Variants in CC2D2A observed in about 807,000 individuals in gnomAD.
The protein encoded by CC2D2A is coiled-coil and C2 domain-containing protein 2A.
In CC2D2A, 155 loss-of-function variants were observed where a neutral mutation model predicts 212.9. The observed-to-expected ratio is 0.73, with a 90% CI of 0.64 to 0.83. CC2D2A has a LOEUF of 0.83. Among genes scored for constraint, CC2D2A ranks in the 40% least tolerant of loss-of-function variants. The pLI is 0.00. For missense variants in CC2D2A, 1,856 were observed against 1,956.2 expected (o/e 0.95, Z 0.97); for synonymous variants, 667 against 686.5 (o/e 0.97, Z 0.44).
rs752759735 is a variant in CC2D2A at position 15,587,795 on chromosome 4, ATTTT to A, written c.4066-15_4066-12del. 7.6e-7 allele frequency: 1 copy of A among 1,314,462 alleles called. No individual in the cohort carries two copies. Among genetic ancestry groups the A allele is most frequent in the Admixed American group, 1.7e-5 (1 of 58,274 alleles). 81.4% of individuals were successfully genotyped at this position (1,314,462 alleles called of 1,614,324 possible). A position where few individuals can be genotyped will look rare whatever the true frequency, so the allele number is the denominator to read the frequency against. On this transcript the variant is annotated splice_polypyrimidine_tract_variant and intron_variant, in intron 31 of 36. Coordinates refer to ENST00000424120, the MANE Select transcript of CC2D2A (RefSeq NM_001378615.1). The stretch of plus-strand genomic sequence containing the variant: ...ATAAAGCATTGAGTCATACAACATA[ATTTT>A]TTTTTCTTTTTGTCAGCAATTTCTT...
At position 15,550,895 on chromosome 4, in the gene CC2D2A, T is replaced by C. The variant is rs778497854; in HGVS notation, c.2253T>C (p.Thr751=). Residue 751 remains threonine (T), a synonymous_variant, in exon 18 of 37, where the codon ACT becomes ACC. Transcript: ENST00000424120. ...TGTTTCTGCCTATTCCTGAGACTAC[T>C]GTTGTCACTGGAAGGGCTCCTACTG... is the stretch of plus-strand genomic sequence containing the variant. ...AEVFLPIPET[T]VVTGRAPTEE... The C allele has an allele frequency of 3.1e-6, 5 of 1,609,198 alleles. No individual in the cohort carries two copies. The South Asian group carries it at 4.4e-5, about 14-fold the overall frequency.
At chr4:15,490,055 C>G (rs763203841) in intron 4 of CC2D2A, among the ~76,000 whole-genome samples, 12 of 152,188 alleles carry the variant, frequency 7.9e-5, no homozygotes, top group African/African-American at 2.7e-4. Context: ...TTATCTCCAG[C>G]GTGGACTTCT....
chr4:15,537,863 T>C, intron 15 of CC2D2A, 36 bp from the exon 16 acceptor site: 1 of 1,554,814 alleles, frequency 6.4e-7, no homozygotes, highest in Non-Finnish European at 8.7e-7. Context: ...AATTCCAAAA[T>C]TCCTGTTTGA....
At chr4:15,545,499 A>G (rs116519245) in intron 17 of CC2D2A, among the ~76,000 whole-genome samples, 1 of 152,272 alleles carries the variant, frequency 6.6e-6, no homozygotes, top group Non-Finnish European at 1.5e-5. Flanking sequence ...CAAAGAATCA[A>G]TACTCACTGG....
chr4:15,536,950 A>G lies in CC2D2A; in HGVS notation c.1638A>G (p.Glu546=), dbSNP rs1718163321. The part of the protein sequence containing the change: ...KEKADQKADE[E]AYEAEIQAEI... ...AAGCTGACCAGAAAGCAGATGAAGA[A>G]GCATATGAAGCAGAAATTCAAGCTG... is the stretch of plus-strand genomic sequence containing the variant. The change falls in exon 15 of 37, where the codon GAA becomes GAG. Residue 546 remains glutamate (E), a synonymous_variant. Coordinates refer to ENST00000424120, the MANE Select transcript of CC2D2A (RefSeq NM_001378615.1). 4 of 1,613,770 alleles carry G rather than the reference A, an allele frequency of 2.5e-6. No individual in the cohort carries two copies. The African/African-American group carries it at 4.0e-5, about 16-fold the overall frequency.
In CC2D2A at chr4:15,563,453, A is replaced by T. The variant is rs376913682; in HGVS notation, c.3113A>T (p.Asp1038Val). 35 of 1,611,962 alleles carry T rather than the reference A, an allele frequency of 2.2e-5. No individual in the cohort carries two copies. The African/African-American group carries it at 4.3e-4, about 20-fold the overall frequency. The change falls in exon 24 of 37, where the codon GAT (aspartate) becomes GTT (valine). Residue 1038 changes from aspartate (D) to valine (V), a missense_variant. Asp to Val is a radical substitution (Grantham distance 152). This residue lies in a region of CC2D2A where 1,512 missense variants were observed against 1,579.3 expected (regional missense o/e 0.96). Transcript: ENST00000424120. Reference protein sequence around the residue: ...RKKVTAQNLSDGDIKLLVNIV... With the variant: ...RKKVTAQNLSVGDIKLLVNIV... Reference sequence around the variant, plus strand: ...AAGGTGACAGCCCAAAACCTGTCTGATGGAGACATAAAGCTGCTGGTGAAC... The same window carrying T: ...AAGGTGACAGCCCAAAACCTGTCTGTTGGAGACATAAAGCTGCTGGTGAAC...
chr4:15,542,783 G>C (rs565439924), intron 17 of CC2D2A, among the ~76,000 whole-genome samples: 2 of 152,304 alleles, frequency 1.3e-5, no homozygotes, highest in African/African-American at 2.4e-5. Flanking sequence ...CCAGGGTCCT[G>C]TTCCCAAGCT....
chr4:15,515,863 T>A lies in CC2D2A; in HGVS notation c.881-5T>A. ...GTTTATTTTATTTATTTATAAACGATCTAGTCCCTACATATAAAAAGCTTC... is the reference window on the plus strand; with the variant it reads ...GTTTATTTTATTTATTTATAAACGAACTAGTCCCTACATATAAAAAGCTTC... On this transcript the variant is annotated splice_polypyrimidine_tract_variant and splice_region_variant and intron_variant, in intron 9 of 36. Coordinates refer to ENST00000424120, the MANE Select transcript of CC2D2A (RefSeq NM_001378615.1). 6.4e-7 allele frequency: 1 copy of A among 1,551,006 alleles called. No homozygotes were observed. The highest frequency in any genetic ancestry group is 8.7e-7 in the Non-Finnish European group (1 of 1,146,514).
At chr4:15,570,160 A>T (rs931989654) in intron 27 of CC2D2A, among the ~76,000 whole-genome samples, 6 of 152,198 alleles carry the variant, frequency 3.9e-5, no homozygotes, top group Non-Finnish European at 7.3e-5. Flanking sequence ...TTTAATTCTA[A>T]ATAATCCTAT....
Position 15,527,490 on chromosome 4 carries a change from G to C in CC2D2A, c.1193G>C (p.Gly398Ala). 1 of 1,613,634 alleles carries C rather than the reference G, an allele frequency of 6.2e-7. No homozygotes were observed. The highest frequency in any genetic ancestry group is 8.5e-7 in the Non-Finnish European group (1 of 1,179,728). The change falls in exon 12 of 37, where the codon GGA (glycine) becomes GCA (alanine). Residue 398 changes from glycine to alanine, a missense_variant. Coordinates refer to ENST00000424120, the MANE Select transcript of CC2D2A (RefSeq NM_001378615.1). ...VHSSQHVIRS[G>A]DPPGNFQLDI... is the part of the protein sequence containing the mutation. ...AGTAGTCAGCATGTGATCAGATCTG[G>C]AGACCCTCCTGGAAATTTCCAACTG...
chr4:15,500,107 G>GTGTGTATATATATATA (rs1479141284), intron 4 of CC2D2A, among the ~76,000 whole-genome samples: 9 of 112,942 alleles, frequency 8.0e-5, no homozygotes, highest in Admixed American at 1.8e-4. Flanking sequence ...GTGTGTGTGT[G>GTGTGTATATATATATA]TATATATATA....
At chr4:15,491,033 T>G (rs1028171671) in intron 4 of CC2D2A, among the ~76,000 whole-genome samples, 4 of 152,180 alleles carry the variant, frequency 2.6e-5, no homozygotes, top group Non-Finnish European at 4.4e-5. Flanking sequence ...ATGTGAGTCT[T>G]GCCGAAGCTC....
chr4:15,475,862 A>T, intron 1 of CC2D2A, 53 bp from the exon 2 acceptor site: 1 of 1,357,454 alleles, frequency 7.4e-7, no homozygotes, highest in African/African-American at 1.4e-5. Flanking sequence ...TAGTAAGAGA[A>T]GCAATATTTC....
chr4:15,563,218 ATTTCCACCCACC>A, intron 23 of CC2D2A, 125 bp from the exon 24 acceptor site: 1 of 779,162 alleles, frequency 1.3e-6, no homozygotes, highest in Non-Finnish European at 2.0e-6. Context: ...TTTCTAGACT[ATTTCCACCCACC>A]TTCAAAGGAC....
At chr4:15,559,029 C>A in intron 21 of CC2D2A, 136 bp from the exon 22 acceptor site, 2 of 664,068 alleles carry the variant, frequency 3.0e-6, no homozygotes, top group South Asian at 2.0e-5. Context: ...CAATTCTGAA[C>A]CAAAAGTTAG....
At chr4:15,545,133 G>A (rs1267886510) in intron 17 of CC2D2A, among the ~76,000 whole-genome samples, 9 of 152,118 alleles carry the variant, frequency 5.9e-5, no homozygotes, top group African/African-American at 2.2e-4. Context: ...GTCATAGTAA[G>A]TACTCTGCTA....
At chr4:15,570,602 C>T in intron 28 of CC2D2A, 106 bp downstream of exon 28, 1 of 698,884 alleles carries the variant, frequency 1.4e-6, no homozygotes, top group Non-Finnish European at 2.5e-6. Context: ...TGCCTGTAAT[C>T]CCAGCACTTT....
At chr4:15,579,655 C>T (rs1720566476) in intron 29 of CC2D2A, among the ~76,000 whole-genome samples, 1 of 152,180 alleles carries the variant, frequency 6.6e-6, no homozygotes, top group African/African-American at 2.4e-5. Context: ...TAATTCTAGC[C>T]TCATCAATCA....
At position 15,599,574 on chromosome 4, in the gene CC2D2A, C is replaced by G. The variant is rs1577406383; in HGVS notation, c.4542C>G (p.Arg1514=). The G allele has an allele frequency of 6.3e-7, 1 of 1,599,596 alleles. No individual in the cohort carries two copies. Among genetic ancestry groups the G allele is most frequent in the Non-Finnish European group, 8.5e-7 (1 of 1,169,714 alleles). Residue 1514 remains arginine, a synonymous_variant, in exon 36 of 37, where the codon CGC becomes CGG. Coordinates refer to ENST00000424120, the MANE Select transcript of CC2D2A (RefSeq NM_001378615.1). ...LKEKIMDWRP[R]HLTRWNRYCT... is the part of the protein sequence containing the mutation. ...AAAAAATCATGGACTGGAGGCCACG[C>G]CATCTGACTCGGTGGAATAGGTATT...
Sources: allele counts gnomAD v4.1 joint callset (sites outside exome capture counted in the v4.1 genomes callset), GRCh38; gene constraint gnomAD v4.1.1; regional missense constraint gnomAD v4.1.1; transcripts MANE v1.5; gene names NCBI Gene and HGNC (gene_info 2026-07-23, HGNC 2026-07-21).